UBAP1: variants seen among roughly 807,000 people sequenced by gnomAD.
UBAP1 encodes ubiquitin associated protein 1.
Under a neutral mutation model 39.0 loss-of-function variants are expected in UBAP1, and 5 were observed. The observed-to-expected ratio is 0.13, with a 90% CI of 0.07 to 0.27. The LOEUF (loss-of-function observed/expected upper bound fraction) is 0.27, where lower values mean the gene tolerates loss of function less well. Ranked by LOEUF, UBAP1 falls within the 10% of genes least tolerant of loss-of-function variation. The pLI is 1.00. For synonymous variants in UBAP1, 211 were observed against 225.1 expected (o/e 0.94, Z 0.56); for missense variants, 490 against 608.1 (o/e 0.81, Z 2.04).
chr9:34,208,125 A>G (rs1831812739), intron 1 of UBAP1, among the ~76,000 whole-genome samples: 1 of 152,232 alleles, frequency 6.6e-6, no homozygotes, highest in South Asian at 2.1e-4. Flanking sequence ...TTATATCAGC[A>G]GAATTGTTAA....
At chr9:34,192,753 A>G (rs1441302954) in intron 1 of UBAP1, among the ~76,000 whole-genome samples, 2 of 152,036 alleles carry the variant, frequency 1.3e-5, no homozygotes, top group African/African-American at 4.8e-5. Flanking sequence ...GTATTTTTTT[A>G]AAATCACAAG....
chr9:34,242,955 A>G (rs1409815229), intron 4 of UBAP1, among the ~76,000 whole-genome samples: 1 of 152,168 alleles, frequency 6.6e-6, no homozygotes, highest in Non-Finnish European at 1.5e-5. Context: ...AAGATACAAA[A>G]TCTTGGCCTG....
chr9:34,236,323 C>A (rs1372994783), intron 3 of UBAP1, among the ~76,000 whole-genome samples: 2 of 152,042 alleles, frequency 1.3e-5, no homozygotes, highest in Non-Finnish European at 1.5e-5. Flanking sequence ...CATAGCAATA[C>A]CGTATAGCCT....
At chr9:34,196,357 C>T (rs1442834688) in intron 1 of UBAP1, among the ~76,000 whole-genome samples, 1 of 151,522 alleles carries the variant, frequency 6.6e-6, no homozygotes, top group Non-Finnish European at 1.5e-5. Context: ...CTCTTATTGC[C>T]CAGGCTGGAG....
At chr9:34,203,471 G>A (rs545125928) in intron 1 of UBAP1, among the ~76,000 whole-genome samples, 1 of 152,206 alleles carries the variant, frequency 6.6e-6, no homozygotes, top group South Asian at 2.1e-4. Flanking sequence ...TACTGTGGCC[G>A]GGCACTATGC....
chr9:34,239,521 A>T (rs948212797), intron 3 of UBAP1, among the ~76,000 whole-genome samples: 3 of 152,246 alleles, frequency 2.0e-5, no homozygotes, highest in Admixed American at 6.5e-5. Flanking sequence ...CTTTAGAGTG[A>T]GCCAGTAAAA....
At position 34,182,639 on chromosome 9, in the gene UBAP1, C is replaced by CTT. The variant is rs1332986106; in HGVS notation, c.-8+3401_-8+3402dup. Among the ~76,000 whole-genome samples, 610 of 62,654 alleles carry CTT rather than the reference C, an allele frequency of 9.7e-3. 9 individuals carry two copies. The highest frequency in any genetic ancestry group is 0.054 in the Middle Eastern group (8 of 148). The allele number at this position is 62,654 out of a possible 152,430, so 41.1% of individuals were successfully genotyped here. A position where few individuals can be genotyped will look rare whatever the true frequency, so the allele number is the denominator to read the frequency against. Reference sequence around the variant, plus strand: ...TCCTTCTTTCTTTCTTTCTTTCTTTCTTTCTTTCTTTCTTTCTTTCTTTCT... The same window carrying CTT: ...TCCTTCTTTCTTTCTTTCTTTCTTTCTTTTTCTTTCTTTCTTTCTTTCTTTCT... On this transcript the variant is annotated intron_variant, in intron 1 of 6. Transcript: ENST00000297661.
rs72016559 is a variant in UBAP1 at position 34,216,184 on chromosome 9, A to AT, written c.-7-4713dup. 4.7e-3 allele frequency among the ~76,000 whole-genome samples: 685 copies of AT among 146,482 alleles called. 1 individual carries two copies. Among genetic ancestry groups the AT allele is most frequent in the African/African-American group, 0.013 (525 of 39,980 alleles). The stretch of plus-strand genomic sequence containing the variant: ...TCTCTGCTGCCAATTTTTTTCTGCC[A>AT]TTTTTTTTTTTGTAATTTAATTTAA... On this transcript the variant is annotated intron_variant, in intron 1 of 6. Coordinates refer to ENST00000297661, the MANE Select transcript of UBAP1 (RefSeq NM_016525.5).
chr9:34,224,295 T>C, intron 2 of UBAP1: 1 of 451,432 alleles, frequency 2.2e-6, no homozygotes, highest in East Asian at 3.6e-5. Context: ...TACGGTGTGC[T>C]GTCGATGAGT....
intron 3 of UBAP1, 24 bp downstream of exon 3, chr9:34,234,364 G>T: frequency 6.4e-7 from 1 of 1,574,004 alleles, no homozygotes. Flanking sequence ...TTTAGTTAAA[G>T]TTTAGTGCAT....
At chr9:34,246,624 C>A (rs1377240065) in intron 4 of UBAP1, among the ~76,000 whole-genome samples, 1 of 152,216 alleles carries the variant, frequency 6.6e-6, no homozygotes, top group East Asian at 1.9e-4. Context: ...GTGACTAAAG[C>A]TCTGTGGGAC....
At chr9:34,180,860 G>A (rs1406098967) in intron 1 of UBAP1, among the ~76,000 whole-genome samples, 1 of 151,254 alleles carries the variant, frequency 6.6e-6, no homozygotes, top group Non-Finnish European at 1.5e-5. Flanking sequence ...GCCCAGGCTG[G>A]AGTGCAGTGG....
rs1471104301 is a variant in UBAP1, at chr9:34,252,045, T to C, written c.*513T>C. On this transcript the variant is annotated 3_prime_UTR_variant, in exon 7 of 7. Coordinates refer to ENST00000297661, the MANE Select transcript of UBAP1 (RefSeq NM_016525.5). ...TAACAAAGTCTCATAGTGTTAACACTGGTTCTGCAATATCTCTGAGGTGCA... is the reference window on the plus strand; with the variant it reads ...TAACAAAGTCTCATAGTGTTAACACCGGTTCTGCAATATCTCTGAGGTGCA... 1 of 153,408 alleles carries C rather than the reference T, an allele frequency of 6.5e-6. No individual in the cohort carries two copies. The highest frequency in any genetic ancestry group is 1.5e-5 in the Non-Finnish European group (1 of 68,556). 9.5% of individuals were successfully genotyped at this position (153,408 alleles called of 1,614,324 possible).
At chr9:34,200,067 C>T (rs750123602) in intron 1 of UBAP1, among the ~76,000 whole-genome samples, 6 of 152,048 alleles carry the variant, frequency 3.9e-5, no homozygotes, top group Non-Finnish European at 8.8e-5. Context: ...TCCTTCCCCC[C>T]GCTCCCAGTA....
At chr9:34,183,775 GTT>G (rs572466305) in intron 1 of UBAP1, among the ~76,000 whole-genome samples, 1 of 139,452 alleles carries the variant, frequency 7.2e-6, no homozygotes, top group Non-Finnish European at 1.6e-5. Context: ...TTTGTTTTTT[GTT>G]TTTTTTTTTT....
intron 2 of UBAP1, among the ~76,000 whole-genome samples, chr9:34,221,918 G>A (rs1832781996): frequency 1.3e-5 from 2 of 152,050 alleles, no homozygotes; most frequent in South Asian, 4.2e-4. Context: ...ACCAGAAGTA[G>A]CCAAGTAACA....
At chr9:34,187,795 T>A (rs548439902) in intron 1 of UBAP1, among the ~76,000 whole-genome samples, 2 of 151,576 alleles carry the variant, frequency 1.3e-5, no homozygotes, top group Non-Finnish European at 2.9e-5. Flanking sequence ...AGAGTTGATA[T>A]GGAAACATCT....
intron 1 of UBAP1, among the ~76,000 whole-genome samples, chr9:34,218,286 A>G (rs1385526697): frequency 3.9e-5 from 5 of 128,238 alleles, no homozygotes; most frequent in Admixed American, 8.3e-5. Flanking sequence ...AAAAAAAAAA[A>G]AAAAAAAAGC....
Position 34,234,273 on chromosome 9 carries a change from C to G in UBAP1, c.92C>G (p.Pro31Arg). The G allele has an allele frequency of 6.2e-7, 1 of 1,613,222 alleles. No homozygotes were observed. The highest frequency in any genetic ancestry group is 8.5e-7 in the Non-Finnish European group (1 of 1,179,844). Reference sequence around the variant, plus strand: ...AAGACAGGAGACAAATTCAAAACACCAGCTAAAGTTGGTCTACCTATTGGC... The same window carrying G: ...AAGACAGGAGACAAATTCAAAACACGAGCTAAAGTTGGTCTACCTATTGGC... Reference protein sequence around the residue: ...PFKTGDKFKTPAKVGLPIGFS... With the variant: ...PFKTGDKFKTRAKVGLPIGFS... Residue 31 changes from proline to arginine, a missense_variant, in exon 3 of 7, where the codon CCA becomes CGA. Physicochemically the swap from Pro to Arg is moderately radical, Grantham distance 103. This residue lies in a region of UBAP1 where 144 missense variants were observed against 184.4 expected (regional missense o/e 0.78). Transcript: ENST00000297661.
Sources: allele counts gnomAD v4.1 joint callset (sites outside exome capture counted in the v4.1 genomes callset), GRCh38; gene constraint gnomAD v4.1.1; regional missense constraint gnomAD v4.1.1; transcripts MANE v1.5; gene names NCBI Gene and HGNC (gene_info 2026-07-23, HGNC 2026-07-21).